RNLS: variants seen among roughly 807,000 people sequenced by gnomAD.
RNLS encodes the protein renalase, FAD dependent amine oxidase, also known as renalase.
A neutral mutation model predicts 39.8 loss-of-function variants in RNLS; 39 were observed. The ratio of observed to expected loss-of-function variants is 0.98; its 90% CI spans 0.76 to 1.28. The LOEUF is 1.28. Ranked by LOEUF, RNLS falls within the 50% of genes most tolerant of loss-of-function variation. RNLS has a pLI of 0.00. For missense variants in RNLS, 410 were observed against 413.3 expected (o/e 0.99, Z 0.07); for synonymous variants, 147 against 150.7 (o/e 0.98, Z 0.18).
intron 4 of RNLS, among the ~76,000 whole-genome samples, chr10:88,440,046 G>T (rs1302447311): frequency 6.6e-6 from 1 of 151,988 alleles, no homozygotes. Context: ...TAAATTTTTT[G>T]AGGGCAAGGG....
the RNLS span, among the ~76,000 whole-genome samples, chr10:88,175,062 C>G: frequency 6.6e-6 from 1 of 151,996 alleles, no homozygotes; most frequent in Admixed American, 6.6e-5. Context: ...ATTCAAGTAG[C>G]CTTTAATTAT....
At chr10:88,385,907 A>G (rs1478016596) in intron 4 of RNLS, among the ~76,000 whole-genome samples, 1 of 152,192 alleles carries the variant, frequency 6.6e-6, no homozygotes, top group Non-Finnish European at 1.5e-5. Flanking sequence ...GCAAAACTTT[A>G]ATTATTACTT....
At chr10:88,528,559 C>T (rs1235745724) in intron 4 of RNLS, among the ~76,000 whole-genome samples, 1 of 152,000 alleles carries the variant, frequency 6.6e-6, no homozygotes, top group Admixed American at 6.6e-5. Context: ...AGAGAAAGGA[C>T]AGGGCTGGGC....
chr10:88,251,127 C>A, the RNLS span, among the ~76,000 whole-genome samples: 1,868 of 152,308 alleles, frequency 0.012, 32 homozygotes, highest in African/African-American at 0.041. Flanking sequence ...TGAGATCACT[C>A]CTCCATGACT....
At chr10:88,244,692 T>C in the RNLS span, among the ~76,000 whole-genome samples, 6 of 106,680 alleles carry the variant, frequency 5.6e-5, no homozygotes, top group African/African-American at 2.0e-4. Context: ...GTTTTCATGC[T>C]TTTTTTTTTT....
At chr10:88,506,601 T>C (rs1845808821) in intron 4 of RNLS, among the ~76,000 whole-genome samples, 1 of 151,674 alleles carries the variant, frequency 6.6e-6, no homozygotes, top group East Asian at 1.9e-4. Flanking sequence ...TATATCTATA[T>C]ATAAGAAGAG....
intron 4 of RNLS, among the ~76,000 whole-genome samples, chr10:88,462,516 C>G (rs927914929): frequency 6.6e-6 from 1 of 151,868 alleles, no homozygotes; most frequent in African/African-American, 2.4e-5. Context: ...GGATTCTCTA[C>G]CAGGTACTAG....
At chr10:88,550,267 A>C (rs1304527944) in intron 4 of RNLS, among the ~76,000 whole-genome samples, 1 of 152,222 alleles carries the variant, frequency 6.6e-6, no homozygotes, top group African/African-American at 2.4e-5. Context: ...AAGGGACAGG[A>C]TAAAAGGAAT....
chr10:88,285,885 G>C (rs1441641128), intron 6 of RNLS, among the ~76,000 whole-genome samples: 2 of 152,026 alleles, frequency 1.3e-5, no homozygotes, highest in Non-Finnish European at 2.9e-5. Flanking sequence ...TTTGGGAGGT[G>C]ATTAGATCAT....
At chr10:88,397,363 AAC>A (rs1298124790) in intron 4 of RNLS, among the ~76,000 whole-genome samples, 1 of 152,042 alleles carries the variant, frequency 6.6e-6, no homozygotes, top group Non-Finnish European at 1.5e-5. Context: ...TGAATTAAGC[AAC>A]ACACACCTAA....
chr10:88,438,885 A>C lies in RNLS; in HGVS notation c.527-76160T>G, dbSNP rs117707456. 2.6e-4 allele frequency among the ~76,000 whole-genome samples: 39 copies of C among 152,250 alleles called. No individual in the cohort carries two copies. In the East Asian group the frequency reaches 7.3e-3, roughly 29 times the overall value. ...ATATATATATCCATATTATCATAAT[A>C]AATTCCCTTTTGCTTAGGTTAACCA... On this transcript the variant is annotated intron_variant, in intron 4 of 6. Transcript: ENST00000331772.
Position 88,450,085 on chromosome 10 carries a change from C to T in RNLS, c.527-87360G>A, listed in dbSNP as rs1431145215. On this transcript the variant is annotated intron_variant, in intron 4 of 6. Coordinates refer to ENST00000331772, the MANE Select transcript of RNLS (RefSeq NM_001031709.3). ...TTGTAGTAAAGTCTGGAAGCCTTAA[C>T]ATGTGGAAGTTATATAAGAATCTTA... Among the ~76,000 whole-genome samples the T allele has an allele frequency of 2.0e-5, 3 of 151,228 alleles. 1 individual carries two copies. The highest frequency in any genetic ancestry group is 3.9e-4 in the East Asian group (2 of 5,170).
At chr10:88,552,670 T>C (rs1217658485) in intron 4 of RNLS, among the ~76,000 whole-genome samples, 2 of 152,172 alleles carry the variant, frequency 1.3e-5, no homozygotes, top group African/African-American at 4.8e-5. Flanking sequence ...TTTCAATCAC[T>C]GAGTGCTATC....
At chr10:88,270,847 T>G (rs1297253538), downstream of RNLS, among the ~76,000 whole-genome samples, 1 of 152,128 alleles carries the variant, frequency 6.6e-6, no homozygotes, top group Non-Finnish European at 1.5e-5. Context: ...TGGAAAGGGT[T>G]TCTTCACTTG....
At position 88,450,422 on chromosome 10, in the gene RNLS, T is replaced by C. The variant is rs576688861; in HGVS notation, c.527-87697A>G. On this transcript the variant is annotated intron_variant, in intron 4 of 6. Coordinates refer to ENST00000331772, the MANE Select transcript of RNLS (RefSeq NM_001031709.3). ...AGTGTCAGGGCAGATGAATCTCAGG[T>C]CAGACTCACAGGATTCTTCACACTC... Among the ~76,000 whole-genome samples the C allele has an allele frequency of 2.6e-5, 4 of 152,306 alleles. No homozygotes were observed. In the South Asian group the frequency reaches 8.3e-4, roughly 32 times the overall value.
chr10:88,391,223 T>G lies in RNLS; in HGVS notation c.527-28498A>C, dbSNP rs539705862. Among the ~76,000 whole-genome samples, 3 of 152,324 alleles carry G rather than the reference T, an allele frequency of 2.0e-5. No homozygotes were observed. The East Asian group carries it at 5.8e-4, about 29-fold the overall frequency. The stretch of plus-strand genomic sequence containing the variant: ...TTATTATTATGATATTCCTTTCTTC[T>G]TCTTTAAATTACAATTAGGCAATCA... On this transcript the variant is annotated intron_variant, in intron 4 of 6. Transcript: ENST00000331772.
intron 4 of RNLS, among the ~76,000 whole-genome samples, chr10:88,498,838 T>C (rs1470388806): frequency 1.3e-5 from 2 of 152,092 alleles, no homozygotes; most frequent in Admixed American, 6.6e-5. Flanking sequence ...GGGTGAAAGA[T>C]GTATAGGAAT....
chr10:88,193,645 A>G, the RNLS span, among the ~76,000 whole-genome samples: 1 of 152,068 alleles, frequency 6.6e-6, no homozygotes, highest in African/African-American at 2.4e-5. Context: ...GTCTCCCTCC[A>G]TCGGGACAGC....
At chr10:88,193,244 G>C in the RNLS span, among the ~76,000 whole-genome samples, 4 of 152,172 alleles carry the variant, frequency 2.6e-5, no homozygotes, top group Non-Finnish European at 4.4e-5. Flanking sequence ...GACCCACAGA[G>C]CGAGTGTGTG....
Sources: allele counts gnomAD v4.1 joint callset (sites outside exome capture counted in the v4.1 genomes callset), GRCh38; gene constraint gnomAD v4.1.1; transcripts MANE v1.5; gene names NCBI Gene and HGNC (gene_info 2026-07-23, HGNC 2026-07-21).